Variants in IL7R observed in about 807,000 individuals in gnomAD.
The protein encoded by IL7R is interleukin 7 receptor.
In IL7R, 38 loss-of-function variants were observed where a neutral mutation model predicts 47.0. That is an observed-to-expected ratio of 0.81 (90% CI 0.62 to 1.06). The LOEUF is 1.06. IL7R is among the 50% of genes least tolerant of loss of function. The probability of loss-of-function intolerance (pLI) is 0.00; values close to 1 mark genes in which losing one functional copy is unlikely to be tolerated. For synonymous variants in IL7R, 221 were observed against 199.8 expected (o/e 1.11, Z -0.89); for missense variants, 633 against 534.8 (o/e 1.18, Z -1.81).
chr5:35,873,323 T>A, intron 4 of IL7R, 157 bp from the exon 5 acceptor site: 2 of 698,822 alleles, frequency 2.9e-6, no homozygotes, highest in South Asian at 1.6e-5. Flanking sequence ...ATTTTGCTGT[T>A]GACTCCTTTA....
rs1294145393 is a variant in IL7R, at chr5:35,879,510, A to G, written c.*3024A>G. 1 of 231,446 alleles carries G rather than the reference A, an allele frequency of 4.3e-6. No individual in the cohort carries two copies. Among genetic ancestry groups the G allele is most frequent in the African/African-American group, 2.2e-5 (1 of 45,270 alleles). The allele number at this position is 231,446 out of a possible 1,614,324, so 14.3% of individuals were successfully genotyped here. A position where few individuals can be genotyped will look rare whatever the true frequency, so the allele number is the denominator to read the frequency against. On this transcript the variant is annotated 3_prime_UTR_variant, in exon 8 of 8. Transcript: ENST00000303115. ...TCTGATTTAACCGTGTACTATCCAC[A>G]TGCATTACAAACATTTCGCAGAGCT...
chr5:35,864,329 G>A (rs934057388), intron 2 of IL7R, among the ~76,000 whole-genome samples: 3 of 151,922 alleles, frequency 2.0e-5, no homozygotes, highest in Admixed American at 6.6e-5. Context: ...TTAGGTTGCT[G>A]TTCACATTCT....
At chr5:35,858,909 C>G (rs11567699) in intron 1 of IL7R, among the ~76,000 whole-genome samples, 41,396 of 152,092 alleles carry the variant, frequency 0.27, 5,986 homozygotes, top group African/African-American at 0.33. Flanking sequence ...TTTAAACGCA[C>G]ATCTGTCCAG....
At chr5:35,859,599 GCT>G (rs1437141628) in intron 1 of IL7R, among the ~76,000 whole-genome samples, 11 of 152,138 alleles carry the variant, frequency 7.2e-5, no homozygotes, top group Non-Finnish European at 1.5e-5. Flanking sequence ...CCATGGTCTA[GCT>G]AGGGCTGTTT....
intron 4 of IL7R, among the ~76,000 whole-genome samples, chr5:35,872,888 A>C (rs1450908037): frequency 1.3e-5 from 2 of 152,148 alleles, no homozygotes; most frequent in African/African-American, 2.4e-5. Flanking sequence ...AAAAATGAGC[A>C]AAAAAATTGG....
chr5:35,879,126 A>C lies in IL7R; in HGVS notation c.*2640A>C, dbSNP rs1464450283. The stretch of plus-strand genomic sequence containing the variant: ...GATCGGAGACAATGTATTAATCAGA[A>C]GTGTAAACTGCCAGTTCTATATAGC... On this transcript the variant is annotated 3_prime_UTR_variant, in exon 8 of 8. Transcript: ENST00000303115. The C allele has an allele frequency of 8.6e-6, 2 of 232,950 alleles. No homozygotes were observed. Among genetic ancestry groups the C allele is most frequent in the African/African-American group, 4.4e-5 (2 of 45,350 alleles). 14.4% of individuals were successfully genotyped at this position (232,950 alleles called of 1,614,324 possible).
At chr5:35,873,752 C>T (rs959504968) in intron 5 of IL7R, 104 bp downstream of exon 5, 7 of 1,053,114 alleles carry the variant, frequency 6.6e-6, no homozygotes, top group Non-Finnish European at 1.0e-5. Flanking sequence ...CAAAATAGGA[C>T]ACCCTTGGAG....
At position 35,876,327 on chromosome 5, in the gene IL7R, C is replaced by T. The variant is rs267600610; in HGVS notation, c.1221C>T (p.Ser407=). The T allele has an allele frequency of 1.2e-6, 2 of 1,613,344 alleles. No individual in the cohort carries two copies. Among genetic ancestry groups the T allele is most frequent in the South Asian group, 1.1e-5 (1 of 91,042 alleles). The part of the protein sequence containing the change: ...GPHVYQDLLL[S]LGTTNSTLPP... The stretch of plus-strand genomic sequence containing the variant: ...ATGTGTACCAGGACCTCCTGCTTAG[C>T]CTTGGGACTACAAACAGCACGCTGC... Residue 407 remains serine (S), a synonymous_variant, in exon 8 of 8, where the codon AGC becomes AGT. Coordinates refer to ENST00000303115, the MANE Select transcript of IL7R (RefSeq NM_002185.5).
intron 3 of IL7R, among the ~76,000 whole-genome samples, chr5:35,868,405 A>T (rs11567738): frequency 0.13 from 19,961 of 152,258 alleles, 1,320 homozygotes; most frequent in East Asian, 0.14. Flanking sequence ...CTAAGATGAT[A>T]AAATAGAGAG....
chr5:35,856,925 C>G lies in IL7R; in HGVS notation c.-53C>G, dbSNP rs951340280. On this transcript the variant is annotated 5_prime_UTR_variant, in exon 1 of 8. Coordinates refer to ENST00000303115, the MANE Select transcript of IL7R (RefSeq NM_002185.5). ...TCCCTCCCTTCCTCTTACTCTCATT[C>G]ATTTCATACACACTGGCTCACACAT... The G allele has an allele frequency of 2.9e-6, 3 of 1,029,362 alleles. No homozygotes were observed. In the African/African-American group the frequency reaches 4.7e-5, roughly 16 times the overall value. The allele number at this position is 1,029,362 out of a possible 1,614,324, so 63.8% of individuals were successfully genotyped here.
At position 35,876,698 on chromosome 5, in the gene IL7R, G is replaced by A. The variant is rs1760227138; in HGVS notation, c.*212G>A. 2 of 604,296 alleles carry A rather than the reference G, an allele frequency of 3.3e-6. No individual in the cohort carries two copies. Among genetic ancestry groups the A allele is most frequent in the South Asian group, 4.0e-5 (2 of 50,370 alleles). The allele number at this position is 604,296 out of a possible 1,614,324, so 37.4% of individuals were successfully genotyped here. On this transcript the variant is annotated 3_prime_UTR_variant, in exon 8 of 8. Transcript: ENST00000303115. ...CAAGAGCATCCTGCTTCTACCATGT[G>A]GATTTGGTCACAAGGTTTAAGGTGA... is the stretch of plus-strand genomic sequence containing the variant.
chr5:35,871,944 C>T (rs534706989), intron 4 of IL7R, among the ~76,000 whole-genome samples: 2 of 152,116 alleles, frequency 1.3e-5, no homozygotes, highest in South Asian at 2.1e-4. Flanking sequence ...TTCTTGCTGT[C>T]CTGTTTTTTC....
chr5:35,860,600 T>C (rs1759776079), intron 1 of IL7R, among the ~76,000 whole-genome samples: 1 of 152,194 alleles, frequency 6.6e-6, no homozygotes. Flanking sequence ...ACTTACTCAT[T>C]ATGATGGATT....
rs760977768 is a variant in IL7R at position 35,856,953 on chromosome 5, A to ACT, written c.-14_-13dup. The stretch of plus-strand genomic sequence containing the variant: ...TTCATACACACTGGCTCACACATCT[A>ACT]CTCTCTCTCTCTATCTCTCTCAGAA... On this transcript the variant is annotated 5_prime_UTR_variant, in exon 1 of 8. Transcript: ENST00000303115. The ACT allele has an allele frequency of 2.6e-5, 34 of 1,295,828 alleles. No homozygotes were observed. Among genetic ancestry groups the ACT allele is most frequent in the African/African-American group, 8.8e-5 (6 of 68,272 alleles). The allele number at this position is 1,295,828 out of a possible 1,614,324, so 80.3% of individuals were successfully genotyped here.
intron 4 of IL7R, 89 bp downstream of exon 4, chr5:35,871,302 C>A: frequency 1.8e-6 from 2 of 1,084,462 alleles, no homozygotes; most frequent in East Asian, 2.5e-5. Context: ...TGGGAGGGCC[C>A]AACAATTTTG....
intron 4 of IL7R, 109 bp from the exon 5 acceptor site, chr5:35,873,371 C>G (rs1226434371): frequency 1.1e-6 from 1 of 947,508 alleles, no homozygotes; most frequent in African/African-American, 1.6e-5. Context: ...TACGAGACAA[C>G]TTCAGAGAAT....
At position 35,879,266 on chromosome 5, in the gene IL7R, T is replaced by C. The variant is rs1760292419; in HGVS notation, c.*2780T>C. On this transcript the variant is annotated 3_prime_UTR_variant, in exon 8 of 8. Coordinates refer to ENST00000303115, the MANE Select transcript of IL7R (RefSeq NM_002185.5). ...GCCTCTTCCTTCAATGTGGTTTCCA[T>C]GGGAATTTGCTTCAGAAAAGCCAAG... The C allele has an allele frequency of 1.3e-5, 3 of 232,750 alleles. No individual in the cohort carries two copies. Among genetic ancestry groups the C allele is most frequent in the Non-Finnish European group, 1.7e-5 (2 of 117,798 alleles). 14.4% of individuals were successfully genotyped at this position (232,750 alleles called of 1,614,324 possible).
chr5:35,879,061 C>A lies in IL7R; in HGVS notation c.*2575C>A. 4.3e-6 allele frequency: 1 copy of A among 232,766 alleles called. No homozygotes were observed. The highest frequency in any genetic ancestry group is 6.1e-5 in the East Asian group (1 of 16,498). The allele number at this position is 232,766 out of a possible 1,614,324, so 14.4% of individuals were successfully genotyped here. On this transcript the variant is annotated 3_prime_UTR_variant, in exon 8 of 8. Coordinates refer to ENST00000303115, the MANE Select transcript of IL7R (RefSeq NM_002185.5). The stretch of plus-strand genomic sequence containing the variant: ...AGATTACTAATTGGTTCTGCCCAAT[C>A]TCCTTTCAGATTTTATTAGGAAAAA...
chr5:35,866,385 T>C (rs183078254), intron 2 of IL7R, among the ~76,000 whole-genome samples: 26 of 152,232 alleles, frequency 1.7e-4, no homozygotes, highest in Admixed American at 1.5e-3. Context: ...TTTGGCCAGG[T>C]TTGGGTACCA....
Sources: gnomAD v4.1 joint callset for allele counts (sites outside exome capture counted in the v4.1 genomes callset) on GRCh38, gnomAD v4.1.1 for gene constraint, MANE v1.5 for transcripts, NCBI Gene and HGNC (gene_info 2026-07-23, HGNC 2026-07-21) for gene names.